ASB3: variants seen among roughly 807,000 people sequenced by gnomAD.
The protein encoded by ASB3 is ankyrin repeat and SOCS box containing 3.
Under a neutral mutation model 54.5 loss-of-function variants are expected in ASB3, and 41 were observed. The observed-to-expected ratio is 0.75, with a 90% CI of 0.59 to 0.98. ASB3 has a LOEUF of 0.98. Ranked by LOEUF, ASB3 falls within the 50% of genes least tolerant of loss-of-function variation. The probability of loss-of-function intolerance (pLI) is 0.00; values close to 1 mark genes in which losing one functional copy is unlikely to be tolerated. For missense variants in ASB3, 733 were observed against 620.0 expected (o/e 1.18, Z -1.94); for synonymous variants, 266 against 221.2 (o/e 1.20, Z -1.80).
At chr2:53,769,482 T>G (rs546851237) in intron 1 of ASB3, among the ~76,000 whole-genome samples, 2 of 152,338 alleles carry the variant, frequency 1.3e-5, no homozygotes, top group East Asian at 1.9e-4. Flanking sequence ...CATTGAGATA[T>G]GTATGCTGTC....
chr2:53,719,246 A>C (rs2103858571), intron 5 of ASB3, among the ~76,000 whole-genome samples: 1 of 152,290 alleles, frequency 6.6e-6, no homozygotes, highest in East Asian at 1.9e-4. Flanking sequence ...CTTATATCAG[A>C]TAAAACAGAC....
intron 9 of ASB3, among the ~76,000 whole-genome samples, chr2:53,675,018 G>C (rs1234252179): frequency 6.6e-6 from 1 of 152,138 alleles, no homozygotes; most frequent in African/African-American, 2.4e-5. Flanking sequence ...CTATTAACTA[G>C]CTGTGTGACC....
At chr2:53,693,357 AAAATATC>A (rs1287783938) in intron 9 of ASB3, among the ~76,000 whole-genome samples, 1 of 152,178 alleles carries the variant, frequency 6.6e-6, no homozygotes, top group African/African-American at 2.4e-5. Flanking sequence ...ATAGTCTTTT[AAAATATC>A]AACCAGTTCA....
At chr2:53,749,661 T>C (rs1398395846) in intron 3 of ASB3, among the ~76,000 whole-genome samples, 1 of 152,072 alleles carries the variant, frequency 6.6e-6, no homozygotes, top group Non-Finnish European at 1.5e-5. Flanking sequence ...TGCAACAATA[T>C]GGATGAATCT....
intron 7 of ASB3, among the ~76,000 whole-genome samples, chr2:53,709,607 G>T (rs1669978375): frequency 6.6e-6 from 1 of 152,190 alleles, no homozygotes; most frequent in Non-Finnish European, 1.5e-5. Context: ...GCATTTCCTT[G>T]ATCATTACTG....
At chr2:53,764,463 A>G (rs1673323267) in intron 2 of ASB3, among the ~76,000 whole-genome samples, 1 of 152,208 alleles carries the variant, frequency 6.6e-6, no homozygotes, top group Non-Finnish European at 1.5e-5. Context: ...TACTGCCTCT[A>G]ACACCATTTT....
intron 5 of ASB3, among the ~76,000 whole-genome samples, chr2:53,719,227 G>T (rs1670565356): frequency 6.6e-6 from 1 of 152,102 alleles, no homozygotes. Context: ...CCAACCAGGG[G>T]TCAATATTCT....
chr2:53,707,930 C>T (rs1277799108), intron 7 of ASB3, among the ~76,000 whole-genome samples: 2 of 147,870 alleles, frequency 1.4e-5, no homozygotes, highest in African/African-American at 2.5e-5. Flanking sequence ...TCACTGCCCT[C>T]CAGCCTGGGT....
At chr2:53,678,049 T>C (rs111445088) in intron 9 of ASB3, among the ~76,000 whole-genome samples, 2 of 152,210 alleles carry the variant, frequency 1.3e-5, no homozygotes, top group African/African-American at 4.8e-5. Flanking sequence ...TGATGTTTTG[T>C]ATGCTTATGT....
At chr2:53,675,029 C>T (rs7587217) in intron 9 of ASB3, among the ~76,000 whole-genome samples, 82,410 of 151,952 alleles carry the variant, frequency 0.54, 22,987 homozygotes, top group African/African-American at 0.66. Flanking sequence ...CTGTGTGACC[C>T]TGGGCAAGTC....
At chr2:53,756,349 G>A (rs1349109988) in intron 2 of ASB3, among the ~76,000 whole-genome samples, 1 of 152,104 alleles carries the variant, frequency 6.6e-6, no homozygotes, top group Non-Finnish European at 1.5e-5. Context: ...AAGCTAGTTT[G>A]AACTAGGTTT....
intron 5 of ASB3, among the ~76,000 whole-genome samples, chr2:53,728,175 AGAGT>A (rs1277076562): frequency 3.9e-5 from 6 of 152,214 alleles, no homozygotes; most frequent in African/African-American, 1.4e-4. Context: ...ATTGTCACTT[AGAGT>A]AAGAATGCCA....
intron 6 of ASB3, 29 bp from the exon 7 acceptor site, chr2:53,714,610 A>G: frequency 1.2e-6 from 2 of 1,610,478 alleles, no homozygotes; most frequent in Non-Finnish European, 1.7e-6. Flanking sequence ...AGGAGAATTT[A>G]GTGTTTGTAT....
At chr2:53,741,284 T>C (rs769870699) in intron 3 of ASB3, among the ~76,000 whole-genome samples, 1 of 152,218 alleles carries the variant, frequency 6.6e-6, no homozygotes, top group South Asian at 2.1e-4. Flanking sequence ...GCATTAACCA[T>C]GTAACAATCC....
intron 7 of ASB3, among the ~76,000 whole-genome samples, chr2:53,713,577 T>A (rs1010077951): frequency 6.6e-6 from 1 of 152,170 alleles, no homozygotes; most frequent in Non-Finnish European, 1.5e-5. Flanking sequence ...AAATAATTAA[T>A]TTGGGGGCGT....
intron 3 of ASB3, among the ~76,000 whole-genome samples, chr2:53,737,260 C>T (rs75757593): frequency 6.6e-6 from 1 of 152,134 alleles, no homozygotes; most frequent in Non-Finnish European, 1.5e-5. Context: ...GACATTTCCC[C>T]GTTACGGTAC....
intron 2 of ASB3, among the ~76,000 whole-genome samples, chr2:53,752,973 C>A (rs1264873005): frequency 6.6e-6 from 1 of 151,716 alleles, no homozygotes. Flanking sequence ...AAAAAAAAGA[C>A]ATAAAGTTTA....
chr2:53,748,789 T>C (rs1469136776), intron 3 of ASB3, among the ~76,000 whole-genome samples: 1 of 152,156 alleles, frequency 6.6e-6, no homozygotes, highest in Non-Finnish European at 1.5e-5. Flanking sequence ...ACAAGTGATC[T>C]TGGATTCATC....
At chr2:53,748,007 G>T (rs1277307380) in intron 3 of ASB3, among the ~76,000 whole-genome samples, 1 of 152,180 alleles carries the variant, frequency 6.6e-6, no homozygotes, top group African/African-American at 2.4e-5. Context: ...ACAACAGCAA[G>T]ATCAAGATTC....
Sources: gnomAD v4.1 joint callset for allele counts (sites outside exome capture counted in the v4.1 genomes callset) on GRCh38, gnomAD v4.1.1 for gene constraint, MANE v1.5 for transcripts, NCBI Gene and HGNC (gene_info 2026-07-23, HGNC 2026-07-21) for gene names.